Variants in SLC26A8 observed in about 807,000 individuals in gnomAD.
The protein encoded by SLC26A8 is testis anion transporter 1.
A neutral mutation model predicts 105.0 loss-of-function variants in SLC26A8; 70 were observed. The observed-to-expected ratio is 0.67, with a 90% CI of 0.55 to 0.81. The LOEUF is 0.81. Among genes scored for constraint, SLC26A8 ranks in the 40% least tolerant of loss-of-function variants. SLC26A8 has a pLI of 0.00. For synonymous variants in SLC26A8, 415 were observed against 438.3 expected, an observed-to-expected ratio of 0.95 and a Z score of 0.66; for missense variants, 998 against 1,181.8, an observed-to-expected ratio of 0.84 and a Z score of 2.28.
chr6:35,986,000 A>G (rs1773504931), intron 7 of SLC26A8, among the ~76,000 whole-genome samples: 1 of 146,154 alleles, frequency 6.8e-6, no homozygotes, highest in Admixed American at 6.8e-5. Flanking sequence ...AGCTATTAAT[A>G]GATGCATTAC....
At chr6:36,022,748 A>G (rs1762156743) in intron 1 of SLC26A8, among the ~76,000 whole-genome samples, 1 of 151,568 alleles carries the variant, frequency 6.6e-6, no homozygotes, top group Non-Finnish European at 1.5e-5. Flanking sequence ...TTTTTAAGTA[A>G]TTTTCTTTGG....
At chr6:35,951,845 G>C (rs1771884623) in intron 17 of SLC26A8, among the ~76,000 whole-genome samples, 1 of 152,176 alleles carries the variant, frequency 6.6e-6, no homozygotes. Context: ...CAAAATGCTG[G>C]GATTACAGGC....
rs1368544475 is a variant in SLC26A8, at chr6:35,982,147, C to A, written c.999G>T (p.Gln333His). 5 of 1,614,122 alleles carry A rather than the reference C, an allele frequency of 3.1e-6. No homozygotes were observed. Among genetic ancestry groups the A allele is most frequent in the Non-Finnish European group, 4.2e-6 (5 of 1,180,030 alleles). Residue 333 changes from glutamine to histidine, a missense_variant, in exon 8 of 20, where the codon CAG becomes CAT. By Grantham distance (24) the Gln-to-His change is conservative. Transcript: ENST00000490799. The stretch of plus-strand genomic sequence containing the variant: ...TATAAGGAATCATGTCAATAAGCGT[C>A]TGGCTGGTTTCTGTGGCCATGCTTA... ...NKISMATETS[Q>H]TLIDMIPYSF...
Position 35,955,392 on chromosome 6 carries a change from T to C in SLC26A8, c.1992A>G (p.Thr664=), listed in dbSNP as rs374948354. 8 of 1,614,212 alleles carry C rather than the reference T, an allele frequency of 5.0e-6. No homozygotes were observed. Among genetic ancestry groups the C allele is most frequent in the Non-Finnish European group, 5.9e-6 (7 of 1,180,040 alleles). The change falls in exon 17 of 20, where the codon ACA becomes ACG. Residue 664 remains threonine (T), a synonymous_variant. Transcript: ENST00000490799. ...QTASEDQVPY[T]VSSVSQKNQG... ...GATTTTTCTGAGACACGGACGATAC[T>C]GTGTATGGCACTTGGTCTTCGGATG...
At chr6:36,004,764 C>A (rs1293006271) in intron 3 of SLC26A8, among the ~76,000 whole-genome samples, 2 of 151,944 alleles carry the variant, frequency 1.3e-5, no homozygotes, top group Non-Finnish European at 2.9e-5. Flanking sequence ...ATCCTTCCAC[C>A]TCAGCCTCCC....
chr6:36,005,513 C>A lies in SLC26A8; in HGVS notation c.329-5405G>T, dbSNP rs539917014. On this transcript the variant is annotated intron_variant, in intron 3 of 19. Coordinates refer to ENST00000490799, the MANE Select transcript of SLC26A8 (RefSeq NM_052961.4). Reference sequence around the variant, plus strand: ...ATCAGTTATTTTGTCAAACACTCCTCAATTTCGGTTTGTCTTATATTTCCT... The same window carrying A: ...ATCAGTTATTTTGTCAAACACTCCTAAATTTCGGTTTGTCTTATATTTCCT... 3.9e-5 allele frequency among the ~76,000 whole-genome samples: 6 copies of A among 152,282 alleles called. No individual in the cohort carries two copies. In the South Asian group the frequency reaches 1.0e-3, roughly 26 times the overall value.
rs2127370136 is a variant in SLC26A8, at chr6:36,012,361, T to A, written c.200A>T (p.His67Leu). ...TGTAAGCACGCATCGTAGGAACCTG[T>A]GCCATGAGCAGCTGTGAGAGAGAGG... ...RHHVQCRCSW[H>L]RFLRCVLTIF... The change falls in exon 3 of 20, where the codon CAC (histidine) becomes CTC (leucine). Residue 67 changes from histidine to leucine, a missense_variant. His to Leu is a moderately conservative substitution (Grantham distance 99). Transcript: ENST00000490799. 1 of 1,584,712 alleles carries A rather than the reference T, an allele frequency of 6.3e-7. No homozygotes were observed. The highest frequency in any genetic ancestry group is 1.4e-5 in the African/African-American group (1 of 73,060).
At chr6:35,986,270 G>T (rs1451115602) in intron 7 of SLC26A8, among the ~76,000 whole-genome samples, 1 of 152,072 alleles carries the variant, frequency 6.6e-6, no homozygotes, top group East Asian at 1.9e-4. Context: ...CTGACCTCAG[G>T]TGATCCACGC....
chr6:36,000,061 T>C lies in SLC26A8; in HGVS notation c.376A>G (p.Ile126Val), dbSNP rs761119105. The change falls in exon 4 of 20, where the codon ATC (isoleucine) becomes GTC (valine). Residue 126 changes from isoleucine (I) to valine (V), a missense_variant. Transcript: ENST00000490799. ...LARQLIPPLN[I>V]AYAAFCSSVI... ...GAAGAACAGAAAGCTGCATAAGCGA[T>C]GTTGAGAGGAGGAATCAGTTGCCTT... The C allele has an allele frequency of 8.1e-6, 13 of 1,613,964 alleles. No individual in the cohort carries two copies. The highest frequency in any genetic ancestry group is 1.6e-4 in the Middle Eastern group (1 of 6,084).
intron 1 of SLC26A8, 105 bp downstream of exon 1, chr6:36,024,399 G>A: frequency 2.2e-6 from 1 of 447,910 alleles, no homozygotes; most frequent in South Asian, 1.6e-5. Flanking sequence ...TGCCCACGGC[G>A]TGCCTGGCTC....
intron 10 of SLC26A8, among the ~76,000 whole-genome samples, chr6:35,971,331 G>T (rs1409734806): frequency 2.0e-5 from 3 of 151,932 alleles, no homozygotes; most frequent in African/African-American, 7.2e-5. Context: ...TTTCTGACCA[G>T]ATTTTCCATC....
chr6:36,011,290 T>A (rs1192503401), intron 3 of SLC26A8, among the ~76,000 whole-genome samples: 1 of 152,174 alleles, frequency 6.6e-6, no homozygotes, highest in East Asian at 1.9e-4. Flanking sequence ...AATAGTATAT[T>A]CCATCTGGAC....
intron 11 of SLC26A8, among the ~76,000 whole-genome samples, chr6:35,963,732 G>A (rs1772400493): frequency 6.6e-6 from 1 of 152,136 alleles, no homozygotes; most frequent in Non-Finnish European, 1.5e-5. Flanking sequence ...TGGTTTGCTT[G>A]ACATATCTGT....
At chr6:35,960,757 G>T (rs1772276388) in intron 14 of SLC26A8, 86 bp downstream of exon 14, 2 of 1,294,684 alleles carry the variant, frequency 1.5e-6, no homozygotes, top group African/African-American at 2.9e-5. Context: ...GGAAACAATG[G>T]CAAGGGATTT....
chr6:36,012,922 C>T (rs1761899470), intron 2 of SLC26A8, among the ~76,000 whole-genome samples: 1 of 152,114 alleles, frequency 6.6e-6, no homozygotes, highest in Non-Finnish European at 1.5e-5. Context: ...TCCCCAAGTG[C>T]GAGGCAGGTG....
chr6:36,001,527 C>G (rs1301063231), intron 3 of SLC26A8, among the ~76,000 whole-genome samples: 1 of 152,212 alleles, frequency 6.6e-6, no homozygotes, highest in African/African-American at 2.4e-5. Flanking sequence ...ACAAAAATGA[C>G]AGGATGTCAC....
intron 10 of SLC26A8, among the ~76,000 whole-genome samples, chr6:35,973,592 G>A (rs1772880576): frequency 6.6e-6 from 1 of 151,728 alleles, no homozygotes; most frequent in African/African-American, 2.4e-5. Context: ...TAGAATTAGT[G>A]CATTTTATGT....
rs34335766 is a variant in SLC26A8, at chr6:35,979,007, ATT to A, written c.1026-1658_1026-1657del. Among the ~76,000 whole-genome samples the A allele has an allele frequency of 6.4e-4, 63 of 98,332 alleles. 1 individual carries two copies. In the South Asian group the frequency reaches 0.017, roughly 27 times the overall value. The allele number at this position is 98,332 out of a possible 152,430, so 64.5% of individuals were successfully genotyped here. On this transcript the variant is annotated intron_variant, in intron 8 of 19. Coordinates refer to ENST00000490799, the MANE Select transcript of SLC26A8 (RefSeq NM_052961.4). ...AGATACATGCAACCACACCTGGCTAATTTTTTTTTTTTTTTTTTTTTTTTTTT... is the reference window on the plus strand; with the variant it reads ...AGATACATGCAACCACACCTGGCTAATTTTTTTTTTTTTTTTTTTTTTTTT...
chr6:36,021,538 T>C (rs1016967610), intron 1 of SLC26A8, among the ~76,000 whole-genome samples: 2 of 152,006 alleles, frequency 1.3e-5, no homozygotes, highest in African/African-American at 4.8e-5. Flanking sequence ...TAAAGGAGGA[T>C]TGGTGTAAAA....
Sources: gnomAD v4.1 joint callset for allele counts (sites outside exome capture counted in the v4.1 genomes callset) on GRCh38, gnomAD v4.1.1 for gene constraint, MANE v1.5 for transcripts, NCBI Gene and HGNC (gene_info 2026-07-23, HGNC 2026-07-21) for gene names.